The following MIB1 variants were observed in gnomAD, a reference collection of about 807,000 sequenced individuals.
MIB1 encodes the protein E3 ubiquitin-protein ligase MIB1.
Under a neutral mutation model 124.5 loss-of-function variants are expected in MIB1, and 278 were observed. The observed-to-expected ratio is 2.23, with a 90% CI of 2.02 to 2.47. MIB1 has a LOEUF of 2.47. MIB1 is among the 30% of genes most tolerant of loss of function. The pLI, the probability that MIB1 is intolerant of heterozygous loss-of-function variation, is 0.00. For missense variants in MIB1, 957 were observed against 1,254.4 expected (o/e 0.76, Z 3.58); for synonymous variants, 446 against 429.4 (o/e 1.04, Z -0.48).
rs1371063005 is a variant in MIB1, at chr18:21,759,198, G to C, written c.230-6574G>C. On this transcript the variant is annotated intron_variant, in intron 1 of 20. Transcript: ENST00000261537. ...AATAATAGTATTGTTTCAACATTTT[G>C]TATTCTATACATATGTGTGTATATA... Among the ~76,000 whole-genome samples the C allele has an allele frequency of 2.0e-5, 3 of 150,772 alleles. No homozygotes were observed. The East Asian group carries it at 5.8e-4, about 29-fold the overall frequency.
At chr18:21,749,208 TAGAG>T (rs1047711749) in intron 1 of MIB1, among the ~76,000 whole-genome samples, 7 of 152,340 alleles carry the variant, frequency 4.6e-5, no homozygotes, top group African/African-American at 1.2e-4. Flanking sequence ...CTTAACTACT[TAGAG>T]AGAAATATAT....
At chr18:21,797,515 G>A (rs2041596969) in intron 7 of MIB1, among the ~76,000 whole-genome samples, 1 of 151,998 alleles carries the variant, frequency 6.6e-6, no homozygotes, top group South Asian at 2.1e-4. Flanking sequence ...TGTCAAAGTG[G>A]GTTGAATTTT....
At chr18:21,837,858 A>G (rs1270699849) in intron 12 of MIB1, among the ~76,000 whole-genome samples, 2 of 152,226 alleles carry the variant, frequency 1.3e-5, no homozygotes, top group Non-Finnish European at 2.9e-5. Flanking sequence ...GGTTCAGCAT[A>G]TATAGTGTAT....
intron 1 of MIB1, among the ~76,000 whole-genome samples, chr18:21,730,151 A>G (rs1413472906): frequency 6.6e-6 from 1 of 152,184 alleles, no homozygotes; most frequent in African/African-American, 2.4e-5. Flanking sequence ...AGCTTCTGAA[A>G]TTACTCTTTT....
At chr18:21,746,069 C>G (rs2146380222) in intron 1 of MIB1, among the ~76,000 whole-genome samples, 1 of 152,286 alleles carries the variant, frequency 6.6e-6, no homozygotes, top group East Asian at 1.9e-4. Context: ...TTATATTTAT[C>G]AGAGGGAGAA....
rs2042052567 is a variant in MIB1 at position 21,838,373 on chromosome 18, G to A, written c.1838G>A (p.Arg613His). The A allele has an allele frequency of 1.9e-6, 3 of 1,592,764 alleles. No homozygotes were observed. The highest frequency in any genetic ancestry group is 1.7e-5 in the Admixed American group (1 of 57,368). The change falls in exon 13 of 21, where the codon CGT (arginine) becomes CAT (histidine). Residue 613 changes from arginine to histidine, a missense_variant. Arg to His is a conservative substitution (Grantham distance 29). Coordinates refer to ENST00000261537, the MANE Select transcript of MIB1 (RefSeq NM_020774.4). ...GTGAATTTAACTTTCAGTGCAATGC[G>A]TGTTTTACTATCTAAATTACCAAGA... ...AALRGNPSAM[R>H]VLLSKLPRPW... is the part of the protein sequence containing the mutation.
At chr18:21,722,973 C>T (rs549926377) in intron 1 of MIB1, among the ~76,000 whole-genome samples, 12 of 152,204 alleles carry the variant, frequency 7.9e-5, no homozygotes, top group African/African-American at 1.7e-4. Flanking sequence ...ACTCTTAAGA[C>T]GGAGGTAGCA....
intron 20 of MIB1, among the ~76,000 whole-genome samples, chr18:21,862,060 CCTG>C (rs2146524828): frequency 6.6e-6 from 1 of 152,228 alleles, no homozygotes; most frequent in South Asian, 2.1e-4. Context: ...TGCTGCCACA[CCTG>C]GCTAATTTAT....
chr18:21,798,153 A>G lies in MIB1; in HGVS notation c.1162A>G (p.Thr388Ala). The G allele has an allele frequency of 6.2e-7, 1 of 1,613,352 alleles. No individual in the cohort carries two copies. Among genetic ancestry groups the G allele is most frequent in the Non-Finnish European group, 8.5e-7 (1 of 1,179,462 alleles). Residue 388 changes from threonine (T) to alanine (A), a missense_variant, in exon 8 of 21, where the codon ACA becomes GCA. Transcript: ENST00000261537. Reference protein sequence around the residue: ...DSDLKVEVCGTSWTYNPAAVS... With the variant: ...DSDLKVEVCGASWTYNPAAVS... Reference sequence around the variant, plus strand: ...TGATTTAAAGGTGGAAGTTTGTGGAACATCTTGGACATACAATCCAGCAGC... The same window carrying G: ...TGATTTAAAGGTGGAAGTTTGTGGAGCATCTTGGACATACAATCCAGCAGC...
At chr18:21,707,544 A>G (rs147167594) in intron 1 of MIB1, among the ~76,000 whole-genome samples, 1 of 152,330 alleles carries the variant, frequency 6.6e-6, no homozygotes, top group East Asian at 1.9e-4. Context: ...ATGAGCTATA[A>G]CACTCACTGC....
chr18:21,848,259 C>T (rs2042151541), intron 16 of MIB1, among the ~76,000 whole-genome samples: 1 of 152,054 alleles, frequency 6.6e-6, no homozygotes, highest in African/African-American at 2.4e-5. Flanking sequence ...AGTTCAAGAC[C>T]AGCCTGACTA....
Position 21,840,475 on chromosome 18 carries a change from G to C in MIB1, c.1962+1978G>C, listed in dbSNP as rs568288163. 4.0e-5 allele frequency among the ~76,000 whole-genome samples: 6 copies of C among 151,876 alleles called. No individual in the cohort carries two copies. In the East Asian group the frequency reaches 1.2e-3, roughly 29 times the overall value. ...TTACGCAAAAATTAAATGAGTTATA[G>C]ACCTGAATGTAAAAGCTTAAACCAT... is the stretch of plus-strand genomic sequence containing the variant. On this transcript the variant is annotated intron_variant, in intron 13 of 20. Coordinates refer to ENST00000261537, the MANE Select transcript of MIB1 (RefSeq NM_020774.4).
intron 14 of MIB1, 64 bp from the exon 15 acceptor site, chr18:21,844,028 A>T: frequency 6.6e-7 from 1 of 1,506,282 alleles, no homozygotes; most frequent in Non-Finnish European, 9.2e-7. Context: ...CCATTACTTT[A>T]GATATGTTGA....
intron 12 of MIB1, among the ~76,000 whole-genome samples, chr18:21,823,905 A>C (rs530482262): frequency 2.6e-5 from 4 of 152,310 alleles, no homozygotes; most frequent in Middle Eastern, 3.4e-3. Context: ...TAAGAGTAGA[A>C]ATTATTTCTG....
intron 9 of MIB1, 90 bp from the exon 10 acceptor site, chr18:21,803,817 G>T: frequency 1.1e-6 from 1 of 881,900 alleles, no homozygotes; most frequent in South Asian, 1.5e-5. Context: ...GAATCATACA[G>T]TATACTAGAC....
chr18:21,781,522 T>C (rs2041368177), intron 6 of MIB1, among the ~76,000 whole-genome samples: 1 of 151,214 alleles, frequency 6.6e-6, no homozygotes, highest in South Asian at 2.1e-4. Context: ...CAAATGATTC[T>C]CTTGCCTCAG....
chr18:21,786,422 T>C (rs2041436573), intron 6 of MIB1, among the ~76,000 whole-genome samples: 1 of 152,198 alleles, frequency 6.6e-6, no homozygotes, highest in Non-Finnish European at 1.5e-5. Flanking sequence ...TTGGATTTAA[T>C]TTGTTTGGTG....
chr18:21,836,202 T>G (rs1287117195), intron 12 of MIB1, among the ~76,000 whole-genome samples: 1 of 151,690 alleles, frequency 6.6e-6, no homozygotes, highest in Non-Finnish European at 1.5e-5. Flanking sequence ...TGCAGTGAAC[T>G]CTGATCGTGC....
Position 21,773,829 on chromosome 18 carries a change from G to GTAAA in MIB1, c.636+101_636+102insTAAA, listed in dbSNP as rs2041250328. 6.0e-6 allele frequency: 4 copies of GTAAA among 665,034 alleles called. No individual in the cohort carries two copies. In the East Asian group the frequency reaches 1.2e-4, roughly 20 times the overall value. 41.2% of individuals were successfully genotyped at this position (665,034 alleles called of 1,614,324 possible). ...TTTCCTTTGTCATCTCCCTTTGTCA[G>GTAAA]AACCTTTACGTTTTTACTATGTTTC... On this transcript the variant is annotated intron_variant, in intron 4 of 20. Coordinates refer to ENST00000261537, the MANE Select transcript of MIB1 (RefSeq NM_020774.4).
Sources: allele counts gnomAD v4.1 joint callset (sites outside exome capture counted in the v4.1 genomes callset), GRCh38; gene constraint gnomAD v4.1.1; transcripts MANE v1.5; gene names NCBI Gene and HGNC (gene_info 2026-07-23, HGNC 2026-07-21).